RBM6: variants seen among roughly 807,000 people sequenced by gnomAD.
RBM6 encodes the protein RNA binding motif protein 6, also known as RNA-binding protein 6.
A neutral mutation model predicts 140.4 loss-of-function variants in RBM6; 23 were observed. The observed-to-expected ratio is 0.16, with a 90% CI of 0.12 to 0.23. The LOEUF is 0.23. Among genes scored for constraint, RBM6 ranks in the 10% least tolerant of loss-of-function variants. The pLI is 1.00. For missense variants in RBM6, 1,139 were observed against 1,386.7 expected, an observed-to-expected ratio of 0.82 and a Z score of 2.84; for synonymous variants, 439 against 475.6, an observed-to-expected ratio of 0.92 and a Z score of 1.00.
chr3:50,054,459 C>T (rs1221701983), intron 8 of RBM6, 64 bp downstream of exon 8: 1 of 1,389,032 alleles, frequency 7.2e-7, no homozygotes, highest in Admixed American at 1.7e-5. Flanking sequence ...TTCATGTTTT[C>T]CTTGGCTTTG....
At chr3:50,027,492 T>C (rs556928478) in intron 6 of RBM6, among the ~76,000 whole-genome samples, 1 of 152,318 alleles carries the variant, frequency 6.6e-6, no homozygotes, top group South Asian at 2.1e-4. Flanking sequence ...TCACTCTCCA[T>C]TTTCTCCTAC....
At chr3:49,985,455 G>A (rs1340623319) in intron 5 of RBM6, among the ~76,000 whole-genome samples, 1 of 151,986 alleles carries the variant, frequency 6.6e-6, no homozygotes, top group Non-Finnish European at 1.5e-5. Context: ...ATTTTTGCCT[G>A]GTTCCATGTT....
At position 50,031,992 on chromosome 3, in the gene RBM6, A is replaced by T. The variant is rs779391642; in HGVS notation, c.1558-16253A>T. Among the ~76,000 whole-genome samples, 7 of 152,318 alleles carry T rather than the reference A, an allele frequency of 4.6e-5. No individual in the cohort carries two copies. In the South Asian group the frequency reaches 8.3e-4, roughly 18 times the overall value. ...TACTATGTATCCACAAAAATTTCTT[A>T]AAAAAGGATACTTTTGAGCGTTTCA... On this transcript the variant is annotated intron_variant, in intron 6 of 20. Coordinates refer to ENST00000266022, the MANE Select transcript of RBM6 (RefSeq NM_005777.3).
intron 18 of RBM6, among the ~76,000 whole-genome samples, chr3:50,069,876 G>A (rs370977317): frequency 2.0e-5 from 3 of 152,102 alleles, no homozygotes; most frequent in East Asian, 3.8e-4. Flanking sequence ...TTATATGCCC[G>A]AGGGCTTGTA....
chr3:50,026,014 A>G (rs1438160788), intron 6 of RBM6, among the ~76,000 whole-genome samples: 3 of 151,996 alleles, frequency 2.0e-5, no homozygotes, highest in Non-Finnish European at 4.4e-5. Context: ...CTGCTTGGAG[A>G]TGGAGGTTGC....
At chr3:50,027,184 T>G (rs2087888753) in intron 6 of RBM6, among the ~76,000 whole-genome samples, 1 of 152,080 alleles carries the variant, frequency 6.6e-6, no homozygotes, top group African/African-American at 2.4e-5. Flanking sequence ...GAGTGTTCAC[T>G]TAGAGGCTTG....
At chr3:50,027,909 T>C (rs926643462) in intron 6 of RBM6, among the ~76,000 whole-genome samples, 1 of 152,228 alleles carries the variant, frequency 6.6e-6, no homozygotes, top group Non-Finnish European at 1.5e-5. Context: ...ATGCGTAGCC[T>C]AGTAAGCCCC....
At chr3:50,061,403 C>T (rs984409636) in intron 13 of RBM6, 59 bp from the exon 14 acceptor site, 3 of 1,582,686 alleles carry the variant, frequency 1.9e-6, no homozygotes, top group African/African-American at 1.4e-5. Context: ...CTTGATGAGT[C>T]TCCAGTAAGG....
At chr3:50,048,494 C>T (rs1467502767) in intron 7 of RBM6, among the ~76,000 whole-genome samples, 175 bp downstream of exon 7, 1 of 152,174 alleles carries the variant, frequency 6.6e-6, no homozygotes, top group African/African-American at 2.4e-5. Context: ...TTCTCCTTCC[C>T]AGCTGCTACA....
At chr3:50,038,082 A>G (rs890408796) in intron 6 of RBM6, among the ~76,000 whole-genome samples, 2 of 152,048 alleles carry the variant, frequency 1.3e-5, no homozygotes, top group Non-Finnish European at 1.5e-5. Flanking sequence ...TCAGCCTCCC[A>G]AAGTGCTGGG....
intron 6 of RBM6, among the ~76,000 whole-genome samples, chr3:50,006,293 G>A (rs1575668625): frequency 6.6e-6 from 1 of 151,804 alleles, no homozygotes; most frequent in Non-Finnish European, 1.5e-5. Flanking sequence ...GTGCCACCAC[G>A]CCTGGCTAAT....
chr3:49,943,605 G>GGCCCATAA (rs1559507365), intron 1 of RBM6, among the ~76,000 whole-genome samples: 1 of 151,772 alleles, frequency 6.6e-6, no homozygotes, highest in Non-Finnish European at 1.5e-5. Context: ...CACCACATCT[G>GGCCCATAA]GCCCATAATT....
chr3:49,986,780 T>C lies in RBM6; in HGVS notation c.1483+11388T>C, dbSNP rs144913751. Among the ~76,000 whole-genome samples, 1,028 of 139,570 alleles carry C rather than the reference T, an allele frequency of 7.4e-3. 15 individuals are homozygous for C. The highest frequency in any genetic ancestry group is 0.025 in the African/African-American group (979 of 38,944). 91.6% of individuals were successfully genotyped at this position (139,570 alleles called of 152,430 possible). A position where few individuals can be genotyped will look rare whatever the true frequency, so the allele number is the denominator to read the frequency against. On this transcript the variant is annotated intron_variant, in intron 5 of 20. Coordinates refer to ENST00000266022, the MANE Select transcript of RBM6 (RefSeq NM_005777.3). ...TCCCCTCCCCTCCCCTCCCCTTCTCTTTTCTTCTCTTCTCTTTTCTTTTCT... is the reference window on the plus strand; with the variant it reads ...TCCCCTCCCCTCCCCTCCCCTTCTCCTTTCTTCTCTTCTCTTTTCTTTTCT...
chr3:50,003,078 T>C (rs1360171254), intron 6 of RBM6, among the ~76,000 whole-genome samples: 4 of 151,906 alleles, frequency 2.6e-5, no homozygotes, highest in African/African-American at 9.7e-5. Context: ...ATTGCACCAC[T>C]GCACTCCAGC....
At chr3:50,016,856 C>G (rs996833000) in intron 6 of RBM6, among the ~76,000 whole-genome samples, 1 of 139,042 alleles carries the variant, frequency 7.2e-6, no homozygotes, top group African/African-American at 2.8e-5. Context: ...GACAGAGTCT[C>G]GCTGTGTTGC....
chr3:50,054,295 A>C, intron 7 of RBM6, 40 bp from the exon 8 acceptor site: 3 of 1,538,818 alleles, frequency 1.9e-6, no homozygotes, highest in Non-Finnish European at 2.7e-6. Flanking sequence ...AAGATTTTTA[A>C]AAATGTTTTC....
At position 49,972,148 on chromosome 3, in the gene RBM6, G is replaced by A; in HGVS notation, c.1413G>A (p.Glu471=). 1 of 1,599,470 alleles carries A rather than the reference G, an allele frequency of 6.3e-7. No homozygotes were observed. Among genetic ancestry groups the A allele is most frequent in the East Asian group, 2.2e-5 (1 of 44,774 alleles). The part of the protein sequence containing the change: ...SGVPEDATKE[E]ILNAFRTPDG... ...TACCTGAAGATGCCACAAAAGAAGA[G>A]GTAAGGCATGTCTTCTCTCCTGTTT... Residue 471 remains glutamate (E), a splice_region_variant and synonymous_variant, in exon 4 of 21, where the codon GAG becomes GAA. Transcript: ENST00000266022.
rs2084556885 is a variant in RBM6, at chr3:49,967,365, A to T, written c.45-105A>T. On this transcript the variant is annotated intron_variant, in intron 2 of 20. Transcript: ENST00000266022. The surrounding 1 kb of genome is among the most constrained non-coding windows in gnomAD (Gnocchi z 4.0). ...ACCTTGTTACAGAACTCTGCCAAAA[A>T]AAAAATGTTTACAGAAGAATGTGCT... 1.1e-5 allele frequency: 17 copies of T among 1,505,652 alleles called. No individual in the cohort carries two copies. The allele number at this position is 1,505,652 out of a possible 1,614,324, so 93.3% of individuals were successfully genotyped here.
At chr3:50,048,680 CT>C (rs922312225) in intron 7 of RBM6, among the ~76,000 whole-genome samples, 1 of 152,128 alleles carries the variant, frequency 6.6e-6, no homozygotes, top group African/African-American at 2.4e-5. Flanking sequence ...GAGACTAGTT[CT>C]TTGGGAGTCG....
Sources: allele counts gnomAD v4.1 joint callset (sites outside exome capture counted in the v4.1 genomes callset), GRCh38; gene constraint gnomAD v4.1.1; non-coding constraint Gnocchi (gnomAD v3.1); transcripts MANE v1.5; gene names NCBI Gene and HGNC (gene_info 2026-07-23, HGNC 2026-07-21).